Variants in KIAA1217 observed in about 807,000 individuals in gnomAD.
KIAA1217 encodes sickle tail protein homolog.
Under a neutral mutation model 163.9 loss-of-function variants are expected in KIAA1217, and 88 were observed. That is an observed-to-expected ratio of 0.54 (90% CI 0.45 to 0.64). KIAA1217 has a LOEUF of 0.64. KIAA1217 is among the 30% of genes least tolerant of loss of function. The pLI, the probability that KIAA1217 is intolerant of heterozygous loss-of-function variation, is 0.00. For synonymous variants in KIAA1217, 903 were observed against 923.1 expected (o/e 0.98, Z 0.39); for missense variants, 2,372 against 2,475.0 (o/e 0.96, Z 0.88).
intron 2 of KIAA1217, among the ~76,000 whole-genome samples, chr10:24,021,179 C>G (rs1847715245): frequency 6.6e-6 from 1 of 151,680 alleles, no homozygotes; most frequent in Non-Finnish European, 1.5e-5. Flanking sequence ...TTTAAATAAT[C>G]AATTATGTAT....
rs1381043932 is a variant in KIAA1217 at position 23,818,012 on chromosome 10, C to CAT, written c.-321+122779_-321+122780insTA. Among the ~76,000 whole-genome samples the CAT allele has an allele frequency of 4.7e-3, 537 of 114,792 alleles. 17 individuals are homozygous for CAT. The highest frequency in any genetic ancestry group is 0.02 in the African/African-American group (516 of 25,808). 75.3% of individuals were successfully genotyped at this position (114,792 alleles called of 152,430 possible). A position where few individuals can be genotyped will look rare whatever the true frequency, so the allele number is the denominator to read the frequency against. On this transcript the variant is annotated intron_variant, in intron 1 of 18. Transcript: ENST00000376462. ...ATATATATATATATATATATATACACACATATATATACACACATATATATA... is the reference window on the plus strand; with the variant it reads ...ATATATATATATATATATATATACACATACATATATATACACACATATATATA...
At chr10:23,871,000 T>G (rs1840431160) in intron 1 of KIAA1217, among the ~76,000 whole-genome samples, 1 of 151,892 alleles carries the variant, frequency 6.6e-6, no homozygotes, top group African/African-American at 2.4e-5. Flanking sequence ...TAGGTTTGTT[T>G]TTTTTTCTTT....
chr10:24,019,452 G>T (rs535081734), intron 2 of KIAA1217, among the ~76,000 whole-genome samples: 8 of 152,008 alleles, frequency 5.3e-5, no homozygotes, highest in African/African-American at 1.7e-4. Flanking sequence ...TAAAAAGACA[G>T]AGTGGAGGTA....
intron 2 of KIAA1217, among the ~76,000 whole-genome samples, chr10:24,128,316 G>T (rs1045430455): frequency 5.9e-5 from 9 of 152,126 alleles, no homozygotes; most frequent in Admixed American, 2.6e-4. Flanking sequence ...GGATGCAAGG[G>T]TCAATAATCA....
chr10:23,965,096 A>T (rs1257144074), intron 1 of KIAA1217, among the ~76,000 whole-genome samples: 1 of 152,190 alleles, frequency 6.6e-6, no homozygotes, highest in Non-Finnish European at 1.5e-5. Flanking sequence ...AATGTTATAA[A>T]CTGCATTTCT....
chr10:24,307,330 T>C (rs1211969444), intron 2 of KIAA1217, among the ~76,000 whole-genome samples: 1 of 152,204 alleles, frequency 6.6e-6, no homozygotes, highest in Non-Finnish European at 1.5e-5. Flanking sequence ...GTGGGTGTTA[T>C]TAATCATTGA....
At chr10:23,850,463 C>T (rs994401066) in intron 1 of KIAA1217, among the ~76,000 whole-genome samples, 1 of 152,012 alleles carries the variant, frequency 6.6e-6, no homozygotes, top group African/African-American at 2.4e-5. Context: ...TGCAGAAATG[C>T]AAACAGGGAG....
At chr10:24,105,348 G>A (rs1355935814) in intron 2 of KIAA1217, among the ~76,000 whole-genome samples, 2 of 152,180 alleles carry the variant, frequency 1.3e-5, no homozygotes, top group African/African-American at 2.4e-5. Flanking sequence ...TCAGCCAGAC[G>A]GAGTAGGTGC....
At chr10:23,904,230 A>G (rs1842061756) in intron 1 of KIAA1217, among the ~76,000 whole-genome samples, 1 of 152,190 alleles carries the variant, frequency 6.6e-6, no homozygotes, top group South Asian at 2.1e-4. Flanking sequence ...AAATAATATC[A>G]GAAACACAGT....
intron 2 of KIAA1217, among the ~76,000 whole-genome samples, chr10:24,036,701 T>C (rs762022011): frequency 7.2e-5 from 11 of 152,016 alleles, no homozygotes; most frequent in Non-Finnish European, 1.0e-4. Context: ...CCGACCCTTT[T>C]TAAACAACCA....
chr10:24,216,228 AG>A (rs1348320090), intron 1 of KIAA1217, among the ~76,000 whole-genome samples: 2 of 152,190 alleles, frequency 1.3e-5, no homozygotes, highest in Non-Finnish European at 2.9e-5. Flanking sequence ...ATTTCAAAGA[AG>A]AAAGAGGGTT....
intron 1 of KIAA1217, among the ~76,000 whole-genome samples, chr10:23,785,868 A>C (rs1477907695): frequency 6.6e-6 from 1 of 152,190 alleles, no homozygotes; most frequent in Non-Finnish European, 1.5e-5. Context: ...GGAGAAAGAA[A>C]AAAAGGAACA....
intron 1 of KIAA1217, among the ~76,000 whole-genome samples, chr10:23,719,710 A>C (rs963691766): frequency 2.6e-5 from 4 of 152,128 alleles, no homozygotes; most frequent in African/African-American, 7.2e-5. Context: ...CAATGTTAAG[A>C]GATCGAGACC....
In KIAA1217 at chr10:24,442,911, A is replaced by ATT. The variant is rs72335041; in HGVS notation, c.846+4448_846+4449dup. On this transcript the variant is annotated intron_variant, in intron 5 of 20. Transcript: ENST00000376454. ...AGCATTTATTAAGCACTTTTGTGGG[A>ATT]TTTTTTTTTTTTTTTTTGAGAGGGA... Among the ~76,000 whole-genome samples, 892 of 136,560 alleles carry ATT rather than the reference A, an allele frequency of 6.5e-3. 15 individuals are homozygous for ATT. Among genetic ancestry groups the ATT allele is most frequent in the African/African-American group, 0.017 (616 of 36,708 alleles). The allele number at this position is 136,560 out of a possible 152,430, so 89.6% of individuals were successfully genotyped here.
chr10:24,309,720 A>G (rs913435685), intron 2 of KIAA1217, among the ~76,000 whole-genome samples: 1 of 152,144 alleles, frequency 6.6e-6, no homozygotes, highest in Non-Finnish European at 1.5e-5. Context: ...CCTCATCTAT[A>G]TGATGAGGAT....
intron 14 of KIAA1217, among the ~76,000 whole-genome samples, chr10:24,529,062 C>G (rs944999816): frequency 2.0e-5 from 3 of 152,144 alleles, no homozygotes; most frequent in African/African-American, 7.2e-5. Flanking sequence ...AATGTCTCTG[C>G]AGTGTCACAT....
chr10:23,719,981 G>A (rs1367660182), intron 1 of KIAA1217, among the ~76,000 whole-genome samples: 1 of 152,064 alleles, frequency 6.6e-6, no homozygotes, highest in Non-Finnish European at 1.5e-5. Context: ...TTTAATACTA[G>A]AGACCAAATG....
At chr10:23,732,017 C>G (rs1838506323) in intron 1 of KIAA1217, among the ~76,000 whole-genome samples, 1 of 152,006 alleles carries the variant, frequency 6.6e-6, no homozygotes, top group Non-Finnish European at 1.5e-5. Context: ...AAGAGTTTTA[C>G]ATATATGTTT....
At chr10:24,307,568 G>C (rs1241477128) in intron 2 of KIAA1217, among the ~76,000 whole-genome samples, 1 of 150,368 alleles carries the variant, frequency 6.7e-6, no homozygotes, top group Non-Finnish European at 1.5e-5. Flanking sequence ...TTGAATCCAG[G>C]AGTTTGAGAC....
Sources: allele counts gnomAD v4.1 joint callset (sites outside exome capture counted in the v4.1 genomes callset), GRCh38; gene constraint gnomAD v4.1.1; transcripts MANE v1.5; gene names NCBI Gene and HGNC (gene_info 2026-07-23, HGNC 2026-07-21).